The following OMA1 variants were observed in gnomAD, a reference collection of about 807,000 sequenced individuals.
OMA1 encodes OMA1 zinc metallopeptidase, also known as metalloendopeptidase OMA1, mitochondrial.
A neutral mutation model predicts 30.9 loss-of-function variants in OMA1; 38 were observed. The ratio of observed to expected loss-of-function variants is 1.23; its 90% CI spans 0.95 to 1.61. The LOEUF (loss-of-function observed/expected upper bound fraction) is 1.61. OMA1 is among the 40% of genes most tolerant of loss of function. The pLI, the probability that OMA1 is intolerant of heterozygous loss-of-function variation, is 0.00. For synonymous variants in OMA1, 173 were observed against 121.9 expected (o/e 1.42, Z -2.76); for missense variants, 461 against 349.2 (o/e 1.32, Z -2.55).
chr1:58,502,686 A>G (rs927760987), intron 8 of OMA1, among the ~76,000 whole-genome samples: 7 of 152,234 alleles, frequency 4.6e-5, no homozygotes, highest in South Asian at 4.1e-4. Flanking sequence ...TTCTTTCATT[A>G]TATGTCAGAA....
chr1:58,510,207 T>A (rs1363335093), intron 7 of OMA1, among the ~76,000 whole-genome samples: 1 of 152,074 alleles, frequency 6.6e-6, no homozygotes, highest in African/African-American at 2.4e-5. Context: ...ATATCCCTGA[T>A]GAACATAAAT....
chr1:58,534,976 A>T (rs1378508982), intron 3 of OMA1, among the ~76,000 whole-genome samples: 1 of 152,214 alleles, frequency 6.6e-6, no homozygotes, highest in Non-Finnish European at 1.5e-5. Context: ...GGAGAACTTA[A>T]GATTTCATCT....
intron 3 of OMA1, among the ~76,000 whole-genome samples, chr1:58,534,637 A>T (rs897530554): frequency 6.6e-6 from 1 of 152,242 alleles, no homozygotes; most frequent in African/African-American, 2.4e-5. Flanking sequence ...TAAACATTTT[A>T]GAAAACACTG....
At position 58,527,762 on chromosome 1, in the gene OMA1, T is replaced by G. The variant is rs1261084212; in HGVS notation, c.1141-427A>C. 4.0e-5 allele frequency among the ~76,000 whole-genome samples: 6 copies of G among 149,550 alleles called. No homozygotes were observed. In the East Asian group the frequency reaches 1.2e-3, roughly 29 times the overall value. On this transcript the variant is annotated intron_variant, in intron 6 of 8. Transcript: ENST00000371226. ...CCAATGACACTACTAGACAATTTAT[T>G]TCAGTAAAAAAATTAACCATATAGC... is the stretch of plus-strand genomic sequence containing the variant.
intron 8 of OMA1, among the ~76,000 whole-genome samples, chr1:58,493,443 AG>A (rs1481952888): frequency 4.6e-5 from 7 of 151,946 alleles, no homozygotes; most frequent in African/African-American, 1.7e-4. Flanking sequence ...AAAGAAATAA[AG>A]GGTATTCAAT....
intron 6 of OMA1, 135 bp downstream of exon 6, chr1:58,530,466 A>G (rs555581847): frequency 3.5e-6 from 2 of 564,220 alleles, no homozygotes; most frequent in Non-Finnish European, 6.3e-6. Context: ...AAACGAGAAA[A>G]CATAAGACAC....
chr1:58,529,875 T>TA (rs1646407118), intron 6 of OMA1, among the ~76,000 whole-genome samples: 1 of 152,064 alleles, frequency 6.6e-6, no homozygotes, highest in African/African-American at 2.4e-5. Context: ...CACCATGCTT[T>TA]TATTTTTATT....
At chr1:58,492,923 A>C (rs1427712112) in intron 8 of OMA1, among the ~76,000 whole-genome samples, 1 of 152,234 alleles carries the variant, frequency 6.6e-6, no homozygotes, top group Non-Finnish European at 1.5e-5. Flanking sequence ...TTATGAGGCC[A>C]GCATCATCCT....
intron 2 of OMA1, 99 bp from the exon 3 acceptor site, chr1:58,536,840 G>C (rs1646524738): frequency 1.3e-5 from 9 of 687,850 alleles, no homozygotes; most frequent in Non-Finnish European, 2.1e-5. Flanking sequence ...TCAAATACCT[G>C]AATTTGTATG....
chr1:58,489,304 C>A (rs913134064), intron 8 of OMA1, among the ~76,000 whole-genome samples: 9 of 152,356 alleles, frequency 5.9e-5, no homozygotes, highest in South Asian at 2.1e-4. Context: ...TATCCCACGC[C>A]TGGCTCAAAG....
intron 5 of OMA1, among the ~76,000 whole-genome samples, chr1:58,533,178 T>C (rs565340254): frequency 7.7e-4 from 117 of 152,366 alleles, no homozygotes; most frequent in African/African-American, 2.6e-3. Flanking sequence ...TATATCAAGA[T>C]GAACAGACAT....
chr1:58,491,444 G>A (rs900012007), intron 8 of OMA1, among the ~76,000 whole-genome samples: 1 of 152,144 alleles, frequency 6.6e-6, no homozygotes, highest in Non-Finnish European at 1.5e-5. Flanking sequence ...TGGGCTAAAT[G>A]TTCCAATCAA....
At chr1:58,492,340 T>C (rs532019116) in intron 8 of OMA1, among the ~76,000 whole-genome samples, 129 of 151,876 alleles carry the variant, frequency 8.5e-4, no homozygotes, top group African/African-American at 3.1e-3. Context: ...CACCCTAACA[T>C]CACAATTAAA....
intron 8 of OMA1, among the ~76,000 whole-genome samples, chr1:58,487,258 T>A (rs763076424): frequency 2.6e-5 from 4 of 152,192 alleles, no homozygotes; most frequent in Admixed American, 1.3e-4. Context: ...GACACAGAAG[T>A]GAAGGAAAGA....
In OMA1 at chr1:58,518,143, G is replaced by A. The variant is rs531086336; in HGVS notation, c.1215+9118C>T. ...GGTGGTTGCTGTGAGCTGAGATCGCGCCATTGCACTCCAGCCTGGGCAACA... is the reference window on the plus strand; with the variant it reads ...GGTGGTTGCTGTGAGCTGAGATCGCACCATTGCACTCCAGCCTGGGCAACA... On this transcript the variant is annotated intron_variant, in intron 7 of 8. Coordinates refer to ENST00000371226, the MANE Select transcript of OMA1 (RefSeq NM_145243.5). 9.3e-4 allele frequency among the ~76,000 whole-genome samples: 137 copies of A among 146,670 alleles called. No homozygotes were observed. The Middle Eastern group carries it at 0.02, about 22-fold the overall frequency.
At position 58,524,716 on chromosome 1, in the gene OMA1, T is replaced by A. The variant is rs573821590; in HGVS notation, c.1215+2545A>T. 4.6e-5 allele frequency among the ~76,000 whole-genome samples: 7 copies of A among 152,304 alleles called. No homozygotes were observed. In the South Asian group the frequency reaches 1.5e-3, roughly 32 times the overall value. ...CAGTATATATCAAGCAACTCAACTTTTTCTTGTAATATCATGAGTTTACTT... is the reference window on the plus strand; with the variant it reads ...CAGTATATATCAAGCAACTCAACTTATTCTTGTAATATCATGAGTTTACTT... On this transcript the variant is annotated intron_variant, in intron 7 of 8. Transcript: ENST00000371226.
chr1:58,509,937 G>A (rs1263447188), intron 7 of OMA1, among the ~76,000 whole-genome samples: 1 of 151,870 alleles, frequency 6.6e-6, no homozygotes. Flanking sequence ...CACTAAGACT[G>A]AAAAAGAAAT....
intron 8 of OMA1, among the ~76,000 whole-genome samples, chr1:58,485,051 A>G (rs918484667): frequency 6.6e-6 from 1 of 152,002 alleles, no homozygotes; most frequent in African/African-American, 2.4e-5. Flanking sequence ...ACTTTGGGTG[A>G]TAATGATGGG....
At chr1:58,541,634 A>AAAAAAAAAAAAAAAC (rs1646620911) in intron 1 of OMA1, 2 of 148,762 alleles carry the variant, frequency 1.3e-5, no homozygotes, top group Admixed American at 6.7e-5. Flanking sequence ...AAAAAAAAAA[A>AAAAAAAAAAAAAAAC]AAAAAAACCA....
Sources: gnomAD v4.1 joint callset for allele counts (sites outside exome capture counted in the v4.1 genomes callset) on GRCh38, gnomAD v4.1.1 for gene constraint, MANE v1.5 for transcripts, NCBI Gene and HGNC (gene_info 2026-07-23, HGNC 2026-07-21) for gene names.